CD55: variants seen among roughly 807,000 people sequenced by gnomAD.
CD55 encodes CD55 molecule (Cromer blood group).
A neutral mutation model predicts 45.8 loss-of-function variants in CD55; 41 were observed. The ratio of observed to expected loss-of-function variants is 0.90; its 90% CI spans 0.70 to 1.16. The LOEUF is 1.16. Among genes scored for constraint, CD55 ranks in the 50% most tolerant of loss-of-function variants. The probability of loss-of-function intolerance (pLI) is 0.00; values close to 1 mark genes in which losing one functional copy is unlikely to be tolerated. For synonymous variants in CD55, 181 were observed against 181.1 expected, an observed-to-expected ratio of 1.00 and a Z score of 0.01; for missense variants, 416 against 469.8, an observed-to-expected ratio of 0.89 and a Z score of 1.06.
intron 8 of CD55, 195 bp downstream of exon 8, chr1:207,337,604 C>A: frequency 1.7e-5 from 7 of 402,880 alleles, no homozygotes; most frequent in Admixed American, 4.4e-5. Context: ...GAAACATTTA[C>A]AATAATAGAG....
At chr1:207,346,991 C>A in intron 9 of CD55, 2 of 421,566 alleles carry the variant, frequency 4.7e-6, no homozygotes, top group South Asian at 1.7e-5. Context: ...TCTCTCCAGG[C>A]TTCCAGGCAA....
In CD55 at chr1:207,326,830, G is replaced by A; in HGVS notation, c.657G>A (p.Glu219=). 1 of 1,612,318 alleles carries A rather than the reference G, an allele frequency of 6.2e-7. No homozygotes were observed. The highest frequency in any genetic ancestry group is 8.5e-7 in the Non-Finnish European group (1 of 1,178,602). ...TCCAGTGGAGTGACCCGTTGCCAGA[G>A]TGCAGAGGTAAGAGTTAAAAAATCT... The part of the protein sequence containing the change: ...SSVQWSDPLP[E]CREIYCPAPP... The change falls in exon 5 of 10, where the codon GAG becomes GAA. Residue 219 remains glutamate, a synonymous_variant. Coordinates refer to ENST00000367064, the MANE Select transcript of CD55 (RefSeq NM_000574.5).
At position 207,322,547 on chromosome 1, in the gene CD55, AT is replaced by A. The variant is rs773709328; in HGVS notation, c.267del (p.Asp89GlufsTer16). 1 of 1,612,224 alleles carries A rather than the reference AT, an allele frequency of 6.2e-7. No homozygotes were observed. The highest frequency in any genetic ancestry group is 8.5e-7 in the Non-Finnish European group (1 of 1,179,378). ...TGCCTTAAGGGCAGTCAATGGTCAG[AT>A]ATTGAAGAGTTCTGCAATCGTAAGT... ...VICLKGSQWS[D>X]IEEFCNRSCE... On this transcript the variant is annotated frameshift_variant, in exon 2 of 10. Transcript: ENST00000367064. LOFTEE classifies it high-confidence loss of function.
chr1:207,322,136 A>G, intron 1 of CD55: 1 of 650,186 alleles, frequency 1.5e-6, no homozygotes, highest in Non-Finnish European at 2.8e-6. Flanking sequence ...GCCTGGCAAA[A>G]TCGAAAGGGA....
intron 9 of CD55, among the ~76,000 whole-genome samples, chr1:207,357,602 G>C (rs188119654): frequency 8.5e-5 from 13 of 152,074 alleles, no homozygotes; most frequent in African/African-American, 2.9e-4. Context: ...AGGGCAGCAA[G>C]ATGTGATAAG....
intron 2 of CD55, 76 bp from the exon 3 acceptor site, chr1:207,324,483 C>T (rs1439664945): frequency 1.1e-6 from 1 of 914,506 alleles, no homozygotes; most frequent in African/African-American, 1.7e-5. Context: ...TTATTAGGGT[C>T]CAGATAATTA....
intron 9 of CD55, among the ~76,000 whole-genome samples, chr1:207,343,348 T>A (rs1558153477): frequency 1.3e-5 from 2 of 152,172 alleles, no homozygotes; most frequent in Non-Finnish European, 2.9e-5. Flanking sequence ...CTGCTTTTGC[T>A]ATGTCTGATA....
chr1:207,322,328 A>C, intron 1 of CD55, 54 bp from the exon 2 acceptor site: 1 of 1,466,312 alleles, frequency 6.8e-7, no homozygotes, highest in Non-Finnish European at 9.6e-7. Context: ...TGAAAACAGC[A>C]ACTGTGAGGA....
intron 9 of CD55, among the ~76,000 whole-genome samples, chr1:207,357,909 C>G (rs1048148311): frequency 6.6e-6 from 1 of 152,004 alleles, no homozygotes; most frequent in Admixed American, 6.6e-5. Context: ...TTAACACCAA[C>G]GAATAATCAA....
chr1:207,352,103 A>G (rs1284225547), intron 9 of CD55, among the ~76,000 whole-genome samples: 1 of 151,566 alleles, frequency 6.6e-6, no homozygotes, highest in East Asian at 1.9e-4. Flanking sequence ...GAAGTATTTG[A>G]TTTTTTTTTC....
chr1:207,334,986 C>A (rs962448039), intron 6 of CD55, among the ~76,000 whole-genome samples: 2 of 152,000 alleles, frequency 1.3e-5, no homozygotes, highest in Non-Finnish European at 2.9e-5. Flanking sequence ...ATATACCATG[C>A]AAATATTAAC....
chr1:207,322,114 C>T lies in CD55; in HGVS notation c.100+249C>T, dbSNP rs1654439552. 1.6e-5 allele frequency: 10 copies of T among 628,182 alleles called. No homozygotes were observed. The South Asian group carries it at 1.9e-4, about 12-fold the overall frequency. 38.9% of individuals were successfully genotyped at this position (628,182 alleles called of 1,614,324 possible). On this transcript the variant is annotated intron_variant, in intron 1 of 9. Transcript: ENST00000367064. ...GTTAAAGAGGCCCCGGCTGGGTTTG[C>T]GGAGCAGCCAAGCCTGGCAAAATCG... is the stretch of plus-strand genomic sequence containing the variant.
At chr1:207,337,119 C>G in intron 7 of CD55, 1 of 606,178 alleles carries the variant, frequency 1.6e-6, no homozygotes, top group Non-Finnish European at 2.9e-6. Context: ...ATATCAAAAA[C>G]CCTATCTACA....
In CD55 at chr1:207,321,730, T is replaced by TCCCGGCGGCGC. The variant is rs1478744857; in HGVS notation, c.-35_-25dup. 20 of 1,458,720 alleles carry TCCCGGCGGCGC rather than the reference T, an allele frequency of 1.4e-5. No individual in the cohort carries two copies. The highest frequency in any genetic ancestry group is 1.8e-5 in the Non-Finnish European group (20 of 1,103,744). The allele number at this position is 1,458,720 out of a possible 1,614,324, so 90.4% of individuals were successfully genotyped here. Reference sequence around the variant, plus strand: ...TGGGCGTAGCTGCGACTCGGCGGAGTCCCGGCGGCGCGTCCTTGTTCTAAC... The same window carrying TCCCGGCGGCGC: ...TGGGCGTAGCTGCGACTCGGCGGAGTCCCGGCGGCGCCCCGGCGGCGCGTCCTTGTTCTAAC... On this transcript the variant is annotated 5_prime_UTR_variant, in exon 1 of 10. Coordinates refer to ENST00000367064, the MANE Select transcript of CD55 (RefSeq NM_000574.5).
chr1:207,324,238 T>C (rs1654562997), intron 2 of CD55, among the ~76,000 whole-genome samples: 1 of 152,018 alleles, frequency 6.6e-6, no homozygotes, highest in South Asian at 2.1e-4. Flanking sequence ...GTGTAGTTCT[T>C]TAGGGCAGGG....
intron 9 of CD55, among the ~76,000 whole-genome samples, chr1:207,345,348 A>T (rs1298748710): frequency 6.6e-6 from 1 of 151,946 alleles, no homozygotes; most frequent in Non-Finnish European, 1.5e-5. Context: ...CAAGTATATT[A>T]TGTATTTAAT....
chr1:207,331,188 G>A lies in CD55; in HGVS notation c.745G>A (p.Val249Ile), dbSNP rs771819769. ...ERDHYGYRQS[V>I]TYACNKGFTM... ...TGACCATTATGGATATAGACAGTCT[G>A]TAACGTATGCATGTAATAAAGGATT... is the stretch of plus-strand genomic sequence containing the variant. Residue 249 changes from valine (V) to isoleucine (I), a missense_variant, in exon 6 of 10, where the codon GTA (valine) becomes ATA (isoleucine). By Grantham distance (29) the Val-to-Ile change is conservative (BLOSUM62 3). Coordinates refer to ENST00000367064, the MANE Select transcript of CD55 (RefSeq NM_000574.5). 4.3e-6 allele frequency: 7 copies of A among 1,612,894 alleles called. No homozygotes were observed. The highest frequency in any genetic ancestry group is 1.7e-5 in the Admixed American group (1 of 60,010).
intron 5 of CD55, among the ~76,000 whole-genome samples, chr1:207,328,263 T>C (rs933520624): frequency 6.6e-6 from 1 of 152,214 alleles, no homozygotes; most frequent in African/African-American, 2.4e-5. Context: ...GACATCTGCA[T>C]CCTGTAGGAA....
In CD55 at chr1:207,324,555, T is replaced by C; in HGVS notation, c.287-4T>C. 2.6e-6 allele frequency: 4 copies of C among 1,544,918 alleles called. No individual in the cohort carries two copies. Among genetic ancestry groups the C allele is most frequent in the Non-Finnish European group, 3.5e-6 (4 of 1,145,264 alleles). The stretch of plus-strand genomic sequence containing the variant: ...TTTGTTGCTGCTTTTGTTAATACTT[T>C]TAGGTAGCTGCGAGGTGCCAACAAG... On this transcript the variant is annotated splice_region_variant and splice_polypyrimidine_tract_variant and intron_variant, in intron 2 of 9. Transcript: ENST00000367064.
Sources: allele counts gnomAD v4.1 joint callset (sites outside exome capture counted in the v4.1 genomes callset), GRCh38; gene constraint gnomAD v4.1.1; transcripts MANE v1.5; gene names NCBI Gene and HGNC (gene_info 2026-07-23, HGNC 2026-07-21).